The following DAB2IP variants were observed in gnomAD, a reference collection of about 807,000 sequenced individuals.
The protein encoded by DAB2IP is disabled homolog 2-interacting protein.
A neutral mutation model predicts 107.2 loss-of-function variants in DAB2IP; 28 were observed. The observed-to-expected ratio is 0.26, with a 90% CI of 0.19 to 0.36. The LOEUF is 0.36. DAB2IP is among the 10% of genes least tolerant of loss of function. The pLI is 1.00. For missense variants in DAB2IP, 1,400 were observed against 1,644.7 expected, an observed-to-expected ratio of 0.85 and a Z score of 2.57; for synonymous variants, 755 against 706.4, an observed-to-expected ratio of 1.07 and a Z score of -1.09.
chr9:121,622,207 C>T lies in DAB2IP; in HGVS notation c.40+54979C>T, dbSNP rs551594035. 2.0e-5 allele frequency among the ~76,000 whole-genome samples: 3 copies of T among 152,062 alleles called. No individual in the cohort carries two copies. In the South Asian group the frequency reaches 6.2e-4, roughly 32 times the overall value. On this transcript the variant is annotated intron_variant, in intron 1 of 16. Coordinates refer to the DAB2IP transcript ENST00000259371. ...GTTTCACCGTGTTGGCCACGATGGT[C>T]TCGATTTCCTGACCTTGTGATCTGC...
chr9:121,715,940 G>T (rs1440281271), intron 3 of DAB2IP, among the ~76,000 whole-genome samples: 1 of 152,196 alleles, frequency 6.6e-6, no homozygotes, highest in African/African-American at 2.4e-5. Context: ...GGCATTTCCT[G>T]TGGGCATTAT....
rs189052283 is a variant in DAB2IP, at chr9:121,656,666, C to T, written c.124+4767C>T. 1.2e-4 allele frequency among the ~76,000 whole-genome samples: 18 copies of T among 152,264 alleles called. No homozygotes were observed. In the East Asian group the frequency reaches 2.1e-3, roughly 18 times the overall value. ...GGGTGAAAATGGCTCCTTTTTGTTA[C>T]GGCTCCTGTGTGCTGCGTGCCTGCT... On this transcript the variant is annotated intron_variant, in intron 1 of 15. Transcript: ENST00000408936.
intron 1 of DAB2IP, among the ~76,000 whole-genome samples, chr9:121,589,316 T>C (rs1589381225): frequency 1.3e-5 from 2 of 152,158 alleles, no homozygotes; most frequent in African/African-American, 4.8e-5. Context: ...CCCCCTCTCA[T>C]GGCTGCTCCC....
At chr9:121,593,509 C>A (rs1054102113) in intron 1 of DAB2IP, among the ~76,000 whole-genome samples, 1 of 151,974 alleles carries the variant, frequency 6.6e-6, no homozygotes, top group Non-Finnish European at 1.5e-5. Flanking sequence ...TGGGCTCAAG[C>A]GATCCTCCTG....
rs1052094099 is a variant in DAB2IP at position 121,736,666 on chromosome 9, G to T, written c.363-20347G>T. 1.3e-5 allele frequency among the ~76,000 whole-genome samples: 2 copies of T among 152,234 alleles called. No individual in the cohort carries two copies. Among genetic ancestry groups the T allele is most frequent in the Non-Finnish European group, 2.9e-5 (2 of 68,042 alleles). Reference sequence around the variant, plus strand: ...GAATGCTCTGGGAGCAGCGCTCGGGGGAGGTTACCTTGGCGCGCCCCCAAA... The same window carrying T: ...GAATGCTCTGGGAGCAGCGCTCGGGTGAGGTTACCTTGGCGCGCCCCCAAA... On this transcript the variant is annotated intron_variant, in intron 3 of 15. Coordinates refer to ENST00000408936, the Ensembl canonical transcript of DAB2IP. The surrounding 1 kb of genome is among the most constrained non-coding windows in gnomAD (Gnocchi z 4.6).
intron 1 of DAB2IP, among the ~76,000 whole-genome samples, chr9:121,677,748 G>A (rs1486342967): frequency 2.0e-5 from 3 of 151,954 alleles, no homozygotes; most frequent in Non-Finnish European, 4.4e-5. Flanking sequence ...TGCAACTTTC[G>A]CCTCCCGGGT....
intron 3 of DAB2IP, among the ~76,000 whole-genome samples, chr9:121,743,681 G>T (rs897347203): frequency 6.6e-6 from 1 of 152,216 alleles, no homozygotes; most frequent in Non-Finnish European, 1.5e-5. Flanking sequence ...CCGGCCACTC[G>T]GCTTCCCGAG....
rs1215067258 is a variant in DAB2IP at position 121,768,396 on chromosome 9, G to T, written c.1698-36G>T. ...GGAGTTCCTGGGCAGGGCCTGCCTGGGCCCAGTAGTGCTCACCCAACTGCC... is the reference window on the plus strand; with the variant it reads ...GGAGTTCCTGGGCAGGGCCTGCCTGTGCCCAGTAGTGCTCACCCAACTGCC... On this transcript the variant is annotated intron_variant, in intron 9 of 15. Coordinates refer to ENST00000408936, the Ensembl canonical transcript of DAB2IP. The T allele has an allele frequency of 3.7e-6, 6 of 1,610,500 alleles. No homozygotes were observed. The African/African-American group carries it at 5.3e-5, about 14-fold the overall frequency.
At chr9:121,637,560 C>G (rs1225648851) in intron 1 of DAB2IP, among the ~76,000 whole-genome samples, 1 of 152,178 alleles carries the variant, frequency 6.6e-6, no homozygotes, top group Non-Finnish European at 1.5e-5. Context: ...AGCCAATGGT[C>G]TCTCTGTTGG....
At chr9:121,763,621 G>A (rs1834055788) in exon 7 of DAB2IP, 2 of 1,613,684 alleles carry the variant, frequency 1.2e-6, no homozygotes, top group Non-Finnish European at 1.7e-6. Context: ...TCAAGCTAGT[G>A]GGCCAGAAGT....
At position 121,662,924 on chromosome 9, in the gene DAB2IP, C is replaced by T. The variant is rs567431913; in HGVS notation, c.124+11025C>T. Among the ~76,000 whole-genome samples, 35 of 152,176 alleles carry T rather than the reference C, an allele frequency of 2.3e-4. No homozygotes were observed. The highest frequency in any genetic ancestry group is 6.5e-4 in the African/African-American group (27 of 41,522). On this transcript the variant is annotated intron_variant, in intron 1 of 15. Transcript: ENST00000408936. This position sits in a 1 kb window ranked among gnomAD's most constrained non-coding sequence, Gnocchi z 4.6. ...GCCCTGCAGATGCAGAGAAAAGAATCGTGGGAAGAAAACTCCAGAAGAAAA... is the reference window on the plus strand; with the variant it reads ...GCCCTGCAGATGCAGAGAAAAGAATTGTGGGAAGAAAACTCCAGAAGAAAA...
At position 121,772,454 on chromosome 9, in the gene DAB2IP, C is replaced by T. The variant is rs572488037; in HGVS notation, c.2079-153C>T. ...AGCCTCTGGTCCCCGGATTCTCCCA[C>T]TCCTGCCACCCCAGCGCATCCATCT... On this transcript the variant is annotated intron_variant, in intron 11 of 15. Coordinates refer to ENST00000408936, the Ensembl canonical transcript of DAB2IP. The surrounding 1 kb of genome is among the most constrained non-coding windows in gnomAD (Gnocchi z 4.7). Among the ~76,000 whole-genome samples the T allele has an allele frequency of 2.0e-5, 3 of 152,208 alleles. No homozygotes were observed. The highest frequency in any genetic ancestry group is 4.4e-5 in the Non-Finnish European group (3 of 68,038).
chr9:121,661,212 C>A (rs761059875), intron 1 of DAB2IP, among the ~76,000 whole-genome samples: 1 of 149,566 alleles, frequency 6.7e-6, no homozygotes. Flanking sequence ...CAGGAGAAGG[C>A]GAGAAAGGTG....
At chr9:121,578,111 C>T (rs10760181) in intron 1 of DAB2IP, among the ~76,000 whole-genome samples, 150,470 of 152,174 alleles carry the variant, frequency 0.99, 74,415 homozygotes, top group Middle Eastern at 1. Context: ...AGTTCTGTGG[C>T]GGGTGGGGTA....
rs980931333 is a variant in DAB2IP, at chr9:121,774,265, T to C, written c.2973T>C (p.Pro991=). ...ACAGCTGTGTTTCATTGTAGGGCCCTTCACCTGTGAGCCCCAATGCCCTGG... is the reference window on the plus strand; with the variant it reads ...ACAGCTGTGTTTCATTGTAGGGCCCCTCACCTGTGAGCCCCAATGCCCTGG... Residue 991 remains proline (P), a synonymous_variant, in exon 13 of 16, where the codon CCT becomes CCC. Transcript: ENST00000408936. 7 of 1,610,000 alleles carry C rather than the reference T, an allele frequency of 4.3e-6. No homozygotes were observed. In the African/African-American group the frequency reaches 9.4e-5, roughly 22 times the overall value.
At chr9:121,775,444 GGAGT>G (rs1185353680) in intron 13 of DAB2IP, among the ~76,000 whole-genome samples, 6 of 152,176 alleles carry the variant, frequency 3.9e-5, no homozygotes, top group Non-Finnish European at 5.9e-5. Context: ...GTTTGGCTGG[GGAGT>G]GAGGAGGACT....
rs140528382 is a variant in DAB2IP, at chr9:121,644,932, C to A, written c.41-33746C>A. Among the ~76,000 whole-genome samples the A allele has an allele frequency of 3.8e-3, 581 of 152,322 alleles. 3 individuals are homozygous for A. The highest frequency in any genetic ancestry group is 0.013 in the African/African-American group (554 of 41,576). On this transcript the variant is annotated intron_variant, in intron 1 of 16. Coordinates refer to the DAB2IP transcript ENST00000259371. ...GTCTCTGCAGGAGTTGAGCAAGGCC[C>A]TCCCCTGGAACCCAGGCCAGTGCCA... is the stretch of plus-strand genomic sequence containing the variant.
upstream of DAB2IP, among the ~76,000 whole-genome samples, chr9:121,649,339 C>T (rs1832657191): frequency 7.0e-6 from 1 of 142,514 alleles, no homozygotes. Context: ...CATGCCAGAC[C>T]TTTGGAGCCC....
intron 1 of DAB2IP, among the ~76,000 whole-genome samples, chr9:121,585,827 C>T (rs1283324340): frequency 7.1e-6 from 1 of 140,662 alleles, no homozygotes; most frequent in Non-Finnish European, 1.5e-5. Context: ...GGACTCCAGC[C>T]TGGGTGAGGG....
Sources: gnomAD v4.1 joint callset for allele counts (sites outside exome capture counted in the v4.1 genomes callset) on GRCh38, gnomAD v4.1.1 for gene constraint, Gnocchi (gnomAD v3.1) non-coding constraint, MANE v1.5 for transcripts, NCBI Gene and HGNC (gene_info 2026-07-23, HGNC 2026-07-21) for gene names.